GCSAM: variants seen among roughly 807,000 people sequenced by gnomAD.
GCSAM encodes the protein germinal center associated signaling and motility.
GCSAM carries 8 observed loss-of-function variants against 17.6 expected under a neutral mutation model. That is an observed-to-expected ratio of 0.46 (90% CI 0.27 to 0.82). The LOEUF (loss-of-function observed/expected upper bound fraction) is 0.82. Among genes scored for constraint, GCSAM ranks in the 40% least tolerant of loss-of-function variants. GCSAM has a pLI of 0.15. For synonymous variants in GCSAM, 68 were observed against 69.0 expected, an observed-to-expected ratio of 0.98 and a Z score of 0.07; for missense variants, 192 against 213.5, an observed-to-expected ratio of 0.90 and a Z score of 0.63.
chr3:112,125,465 G>A (rs113517749), intron 4 of GCSAM, among the ~76,000 whole-genome samples: 3 of 152,156 alleles, frequency 2.0e-5, no homozygotes, highest in Non-Finnish European at 4.4e-5. Flanking sequence ...GAGGTGAGAG[G>A]GGGGAGACAC....
intron 1 of GCSAM, chr3:112,132,684 G>A (rs533635805): frequency 1.0e-6 from 1 of 987,782 alleles, no homozygotes; most frequent in East Asian, 1.1e-4. Flanking sequence ...GTGGCAGGAA[G>A]CTTGCTGTTT....
chr3:112,132,981 A>G (rs1292883660), intron 1 of GCSAM, 111 bp downstream of exon 1: 4 of 1,075,910 alleles, frequency 3.7e-6, no homozygotes, highest in African/African-American at 1.6e-5. Flanking sequence ...TTACCCAACT[A>G]CTTTCTACCC....
At chr3:112,123,903 T>C (rs1336551469) in intron 5 of GCSAM, 131 bp from the exon 6 acceptor site, 8 of 919,292 alleles carry the variant, frequency 8.7e-6, no homozygotes, top group Non-Finnish European at 1.3e-5. Flanking sequence ...CTCTTGGCCA[T>C]TTTTTTCTAA....
intron 1 of GCSAM, 44 bp from the exon 2 acceptor site, chr3:112,130,557 A>C (rs1435582304): frequency 6.5e-7 from 1 of 1,529,034 alleles, no homozygotes. Flanking sequence ...TTTCCTAAAC[A>C]GGCCTGTCAC....
In GCSAM at chr3:112,125,244, C is replaced by T; in HGVS notation, c.201G>A (p.Met67Ile). ...RQDSQNENER[M>I]SSTPIQDNVD... Reference sequence around the variant, plus strand: ...TTATTACCTGGATGGGAGTAGATGACATTCTTTCATCTGGAGAAAGAAAAT... The same window carrying T: ...TTATTACCTGGATGGGAGTAGATGATATTCTTTCATCTGGAGAAAGAAAAT... The change falls in exon 5 of 6, where the codon ATG (methionine) becomes ATA (isoleucine). Residue 67 changes from methionine to isoleucine, a missense_variant. Met to Ile is a conservative substitution (Grantham distance 10, BLOSUM62 1). Transcript: ENST00000308910. 1 of 1,581,008 alleles carries T rather than the reference C, an allele frequency of 6.3e-7. No homozygotes were observed. Among genetic ancestry groups the T allele is most frequent in the South Asian group, 1.1e-5 (1 of 90,394 alleles).
At position 112,126,968 on chromosome 3, in the gene GCSAM, T is replaced by G. The variant is rs1019029519; in HGVS notation, c.190+19A>C. ...TAAGTCTTATCAAAAGTGAAAATACTAGGAAATCAATGACTTACTTTCGTT... is the reference window on the plus strand; with the variant it reads ...TAAGTCTTATCAAAAGTGAAAATACGAGGAAATCAATGACTTACTTTCGTT... On this transcript the variant is annotated intron_variant, in intron 4 of 5. Transcript: ENST00000308910. 2 of 1,529,146 alleles carry G rather than the reference T, an allele frequency of 1.3e-6. No individual in the cohort carries two copies. The highest frequency in any genetic ancestry group is 2.7e-5 in the African/African-American group (2 of 72,920). The allele number at this position is 1,529,146 out of a possible 1,614,324, so 94.7% of individuals were successfully genotyped here.
intron 1 of GCSAM, chr3:112,132,861 C>G: frequency 4.0e-6 from 2 of 496,288 alleles, no homozygotes; most frequent in Non-Finnish European, 3.4e-6. Context: ...TTCCACCTTT[C>G]AGCTATTCTC....
chr3:112,126,834 G>A (rs567298578), intron 4 of GCSAM, among the ~76,000 whole-genome samples, 153 bp downstream of exon 4: 1 of 152,326 alleles, frequency 6.6e-6, no homozygotes, highest in East Asian at 1.9e-4. Flanking sequence ...ACCATCTACT[G>A]AGGACAAAGG....
At chr3:112,125,475 C>T (rs145170299) in intron 4 of GCSAM, among the ~76,000 whole-genome samples, 1 of 152,192 alleles carries the variant, frequency 6.6e-6, no homozygotes, top group South Asian at 2.1e-4. Context: ...GGGGGAGACA[C>T]ATTTGGTTAG....
chr3:112,125,138 G>T, intron 5 of GCSAM, 88 bp downstream of exon 5: 1 of 853,974 alleles, frequency 1.2e-6, no homozygotes. Flanking sequence ...GGGTCAGAAG[G>T]GATCTCAGAG....
intron 2 of GCSAM, 27 bp downstream of exon 2, chr3:112,130,418 G>C (rs374019602): frequency 1.3e-5 from 21 of 1,594,010 alleles, no homozygotes; most frequent in Non-Finnish European, 1.7e-5. Flanking sequence ...CAAGGTCTGG[G>C]GGGTGTTTGG....
intron 1 of GCSAM, among the ~76,000 whole-genome samples, chr3:112,131,737 G>A (rs2074457069): frequency 6.6e-6 from 1 of 152,176 alleles, no homozygotes; most frequent in African/African-American, 2.4e-5. Context: ...GTTGCCAAAT[G>A]TAAAATAACA....
intron 3 of GCSAM, among the ~76,000 whole-genome samples, chr3:112,127,754 AC>A (rs998901890): frequency 1.3e-5 from 2 of 152,204 alleles, no homozygotes; most frequent in African/African-American, 4.8e-5. Context: ...TGTGAAAAAA[AC>A]GTATGTTTTC....
chr3:112,120,878 A>G lies in GCSAM; in HGVS notation c.*2577T>C. ...AAAATTTATTTACTGGAAATTTGAG[A>G]CATCCTACATATTAAGTATATTACA... On this transcript the variant is annotated 3_prime_UTR_variant, in exon 6 of 6. Transcript: ENST00000308910. 1 of 152,204 alleles carries G rather than the reference A, an allele frequency of 6.6e-6. No individual in the cohort carries two copies. Among genetic ancestry groups the G allele is most frequent in the East Asian group, 1.9e-4 (1 of 5,198 alleles). 9.4% of individuals were successfully genotyped at this position (152,204 alleles called of 1,614,324 possible).
Position 112,123,634 on chromosome 3 carries a change from A to T in GCSAM, c.358T>A (p.Ser120Thr). The change falls in exon 6 of 6, where the codon TCC becomes ACC. Residue 120 changes from serine to threonine, a missense_variant. Transcript: ENST00000308910. ...TACTCAGTCTCAGTTCCTCCCAAGG[A>T]CTCTCTGGGTCTCTCAGCTTTGCAG... ...VPCKAERPRESLGGTETEYSL... is the reference protein window; with the variant it reads ...VPCKAERPRETLGGTETEYSL... 6.2e-7 allele frequency: 1 copy of T among 1,613,882 alleles called. No individual in the cohort carries two copies. Among genetic ancestry groups the T allele is most frequent in the Non-Finnish European group, 8.5e-7 (1 of 1,179,960 alleles).
rs2074427829 is a variant in GCSAM, at chr3:112,130,496, T to C, written c.47A>G (p.Gln16Arg). The change falls in exon 2 of 6, where the codon CAA becomes CGA. Residue 16 changes from glutamine (Q) to arginine (R), a missense_variant. Transcript: ENST00000308910. ...LRENRRQQNT[Q>R]EMPWNVRMQS... ...CATTCTCACATTCCAAGGCATCTCTTGAGTGTTCTGCTGCCGCCTGAAACT... is the reference window on the plus strand; with the variant it reads ...CATTCTCACATTCCAAGGCATCTCTCGAGTGTTCTGCTGCCGCCTGAAACT... 6.2e-7 allele frequency: 1 copy of C among 1,613,924 alleles called. No homozygotes were observed. Among genetic ancestry groups the C allele is most frequent in the African/African-American group, 1.3e-5 (1 of 74,902 alleles).
intron 3 of GCSAM, 77 bp downstream of exon 3, chr3:112,127,940 T>G (rs1019404029): frequency 8.0e-7 from 1 of 1,242,744 alleles, no homozygotes; most frequent in East Asian, 2.3e-5. Flanking sequence ...CCACAGACAG[T>G]CACAGGTAAC....
intron 2 of GCSAM, 174 bp downstream of exon 2, chr3:112,130,271 C>T (rs2074421740): frequency 6.4e-6 from 4 of 626,162 alleles, no homozygotes; most frequent in South Asian, 1.9e-5. Context: ...AGCATATCTC[C>T]TGTCCAAAGT....
intron 2 of GCSAM, chr3:112,128,418 T>C: frequency 2.5e-6 from 1 of 397,928 alleles, no homozygotes; most frequent in Non-Finnish European, 4.8e-6. Flanking sequence ...AAATCATTTT[T>C]TTCAGGTATG....
Sources: gnomAD v4.1 joint callset for allele counts (sites outside exome capture counted in the v4.1 genomes callset) on GRCh38, gnomAD v4.1.1 for gene constraint, MANE v1.5 for transcripts, NCBI Gene and HGNC (gene_info 2026-07-23, HGNC 2026-07-21) for gene names.